The following ZNF469 variants were observed in gnomAD, a reference collection of about 807,000 sequenced individuals.
The protein encoded by ZNF469 is zinc finger protein 469.
In ZNF469, 1 loss-of-function variant was observed where a neutral mutation model predicts 1.0. That is an observed-to-expected ratio of 1.00 (90% CI 0.35 to 4.73). The LOEUF (loss-of-function observed/expected upper bound fraction) is 4.73, where lower values mean the gene tolerates loss of function less well. Among genes scored for constraint, ZNF469 ranks in the 30% most tolerant of loss-of-function variants. The pLI is 0.16. For synonymous variants in ZNF469, 2,703 were observed against 2,363.4 expected, an observed-to-expected ratio of 1.14 and a Z score of -4.17; for missense variants, 6,100 against 5,356.3, an observed-to-expected ratio of 1.14 and a Z score of -4.33.
the ZNF469 span, among the ~76,000 whole-genome samples, chr16:88,223,461 A>G: frequency 6.6e-6 from 1 of 152,194 alleles, no homozygotes; most frequent in African/African-American, 2.4e-5. Context: ...AAGAACTGAT[A>G]CAGAGAGGCT....
At chr16:88,201,418 G>A in the ZNF469 span, among the ~76,000 whole-genome samples, 1 of 152,138 alleles carries the variant, frequency 6.6e-6, no homozygotes, top group African/African-American at 2.4e-5. This position sits in a 1 kb window ranked among gnomAD's most constrained non-coding sequence, Gnocchi z 5.0. Flanking sequence ...AGCCGGGCGT[G>A]GTGGTAGGCA....
At chr16:88,264,892 T>C in the ZNF469 span, among the ~76,000 whole-genome samples, 6 of 152,162 alleles carry the variant, frequency 3.9e-5, no homozygotes, top group African/African-American at 1.4e-4. Flanking sequence ...TGGGGGCTCC[T>C]GAGGGTGACC....
chr16:88,140,475 A>AATCGGAG, the ZNF469 span, among the ~76,000 whole-genome samples: 1 of 132,222 alleles, frequency 7.6e-6, no homozygotes, highest in African/African-American at 4.4e-5. Context: ...TAGCACGGAA[A>AATCGGAG]GTCAGTGACA....
At chr16:88,369,485 A>G in the ZNF469 span, among the ~76,000 whole-genome samples, 1 of 152,226 alleles carries the variant, frequency 6.6e-6, no homozygotes, top group Non-Finnish European at 1.5e-5. Flanking sequence ...CATGAGGAGA[A>G]TATGGGAATT....
the ZNF469 span, among the ~76,000 whole-genome samples, chr16:88,117,191 T>C: frequency 6.2e-5 from 3 of 48,158 alleles, no homozygotes; most frequent in South Asian, 7.7e-4. Context: ...GGGCCGGGGA[T>C]GTGTGAGGGC....
chr16:88,170,530 G>A, the ZNF469 span, among the ~76,000 whole-genome samples: 28 of 152,298 alleles, frequency 1.8e-4, no homozygotes, highest in Admixed American at 1.5e-3. This position sits in a 1 kb window ranked among gnomAD's most constrained non-coding sequence, Gnocchi z 4.2. Flanking sequence ...GTGAGATCGT[G>A]CAGTGTTTGT....
At chr16:88,118,455 C>T in the ZNF469 span, among the ~76,000 whole-genome samples, 24 of 152,294 alleles carry the variant, frequency 1.6e-4, 1 homozygote, top group East Asian at 4.1e-3. Flanking sequence ...TGGTCCTGCC[C>T]GCCGTGGGCC....
the ZNF469 span, among the ~76,000 whole-genome samples, chr16:88,201,022 G>A: frequency 1.3e-5 from 2 of 152,220 alleles, no homozygotes; most frequent in Admixed American, 6.5e-5. This position sits in a 1 kb window ranked among gnomAD's most constrained non-coding sequence, Gnocchi z 5.0. Flanking sequence ...TTGGGACCAC[G>A]TCATCAAGCG....
At chr16:88,418,789 C>A (rs892316055) in intron 1 of ZNF469, among the ~76,000 whole-genome samples, 1 of 152,202 alleles carries the variant, frequency 6.6e-6, no homozygotes, top group African/African-American at 2.4e-5. Context: ...ATAATTTTAC[C>A]TGCAAAGGTT....
At chr16:88,421,793 T>G (rs1905467596) in intron 1 of ZNF469, among the ~76,000 whole-genome samples, 2 of 152,194 alleles carry the variant, frequency 1.3e-5, no homozygotes, top group African/African-American at 4.8e-5. Flanking sequence ...CTGTGTCAAT[T>G]GTGTGACCTT....
At chr16:88,348,332 G>A in the ZNF469 span, among the ~76,000 whole-genome samples, 25 of 152,210 alleles carry the variant, frequency 1.6e-4, no homozygotes, top group East Asian at 1.4e-3. Flanking sequence ...CGTGCCTCTC[G>A]TTTCCCTGTC....
chr16:88,230,829 C>T, the ZNF469 span, among the ~76,000 whole-genome samples: 1 of 152,320 alleles, frequency 6.6e-6, no homozygotes, highest in Admixed American at 6.5e-5. Flanking sequence ...GCCTCCCTCC[C>T]TGGCCCCGTG....
the ZNF469 span, among the ~76,000 whole-genome samples, chr16:88,248,221 G>A: frequency 1.3e-5 from 2 of 152,232 alleles, no homozygotes; most frequent in East Asian, 3.8e-4. Context: ...GAGAGAGCTT[G>A]CCTTCAACGT....
rs1258105764 is a variant in ZNF469, at chr16:88,434,947, A to G, written c.7477A>G (p.Arg2493Gly). The G allele has an allele frequency of 3.9e-6, 6 of 1,549,914 alleles. No homozygotes were observed. The highest frequency in any genetic ancestry group is 4.4e-6 in the Non-Finnish European group (5 of 1,146,932). Residue 2493 changes from arginine to glycine, a missense_variant, in exon 3 of 3, where the codon AGG becomes GGG. Arg to Gly is a moderately radical substitution (Grantham distance 125). Coordinates refer to ENST00000565624, the MANE Select transcript of ZNF469 (RefSeq NM_001367624.2). ...GCCGGGCCTGAGCCGGCACAAGGCC[A>G]GGAAGCACCGGCCACACCCGGGAGC... ...SGPGLSRHKA[R>G]KHRPHPGAPA... is the part of the protein sequence containing the mutation.
chr16:88,145,556 G>C, the ZNF469 span, among the ~76,000 whole-genome samples: 4 of 152,382 alleles, frequency 2.6e-5, no homozygotes, highest in Admixed American at 2.6e-4. Flanking sequence ...TGGGCCCAGG[G>C]TGGTGGTTCT....
the ZNF469 span, among the ~76,000 whole-genome samples, chr16:88,343,933 T>C: frequency 6.6e-6 from 1 of 152,080 alleles, no homozygotes; most frequent in African/African-American, 2.4e-5. Flanking sequence ...AAACACGACC[T>C]CGGCCAGGAG....
the ZNF469 span, among the ~76,000 whole-genome samples, chr16:88,244,113 G>GTGGA: frequency 1.8e-4 from 24 of 132,422 alleles, 1 homozygote; most frequent in South Asian, 3.6e-3. Flanking sequence ...GGGTGGGTGG[G>GTGGA]TGGATGGATG....
the ZNF469 span, among the ~76,000 whole-genome samples, chr16:88,109,220 C>G: frequency 6.6e-6 from 1 of 152,214 alleles, no homozygotes; most frequent in Non-Finnish European, 1.5e-5. Context: ...CACAGAGGGT[C>G]TCTCTTCTTT....
the ZNF469 span, among the ~76,000 whole-genome samples, chr16:88,108,101 G>C: frequency 9.7e-5 from 14 of 144,282 alleles, no homozygotes; most frequent in African/African-American, 3.7e-4. Context: ...ACATTTGCAC[G>C]TCTGTGGGGA....
Sources: allele counts gnomAD v4.1 joint callset (sites outside exome capture counted in the v4.1 genomes callset), GRCh38; gene constraint gnomAD v4.1.1; non-coding constraint Gnocchi (gnomAD v3.1); transcripts MANE v1.5; gene names NCBI Gene and HGNC (gene_info 2026-07-23, HGNC 2026-07-21).